FRY: variants seen among roughly 807,000 people sequenced by gnomAD.
FRY encodes the protein FRY microtubule binding protein.
FRY carries 128 observed loss-of-function variants against 348.4 expected under a neutral mutation model. The ratio of observed to expected loss-of-function variants is 0.37; its 90% CI spans 0.32 to 0.43. The LOEUF is 0.43. Among genes scored for constraint, FRY ranks in the 20% least tolerant of loss-of-function variants. The pLI is 1.00. For missense variants in FRY, 2,736 were observed against 3,695.2 expected (o/e 0.74, Z 6.73); for synonymous variants, 1,370 against 1,374.7 (o/e 1.00, Z 0.08).
intron 56 of FRY, 88 bp downstream of exon 56, chr13:32,275,079 G>C (rs945990812): frequency 8.0e-7 from 1 of 1,242,508 alleles, no homozygotes; most frequent in Admixed American, 1.7e-5. Context: ...GCTGTGGTTT[G>C]TTTTAAAGAT....
chr13:32,163,863 C>A (rs2138188306), intron 17 of FRY, among the ~76,000 whole-genome samples: 1 of 152,280 alleles, frequency 6.6e-6, no homozygotes, highest in East Asian at 1.9e-4. Flanking sequence ...AAGCCCAAAG[C>A]AATGGATGCT....
chr13:32,155,854 T>A lies in FRY; in HGVS notation c.1651+192T>A, dbSNP rs141874726. 5.8e-4 allele frequency among the ~76,000 whole-genome samples: 89 copies of A among 152,360 alleles called. 3 individuals carry two copies. The East Asian group carries it at 0.013, about 21-fold the overall frequency. On this transcript the variant is annotated intron_variant, in intron 15 of 60. Transcript: ENST00000542859. ...GCTCTTTAAACTTTTTAGAACTTCCTGGTAAATATTTTGGCATTTAAATGT... is the reference window on the plus strand; with the variant it reads ...GCTCTTTAAACTTTTTAGAACTTCCAGGTAAATATTTTGGCATTTAAATGT...
rs376748011 is a variant in FRY at position 32,178,292 on chromosome 13, A to T, written c.2537A>T (p.Gln846Leu). ...KSPSHVWIFA[Q>L]SVKDPWVLCL... ...CCTTCCCATGTCTGGATATTTGCAC[A>T]GTCTGTCAAAGACCCCTGGGTCCTC... is the stretch of plus-strand genomic sequence containing the variant. Residue 846 changes from glutamine to leucine, a missense_variant, in exon 21 of 61, where the codon CAG (glutamine) becomes CTG (leucine). Coordinates refer to ENST00000542859, the MANE Select transcript of FRY (RefSeq NM_023037.3). 13 of 1,614,132 alleles carry T rather than the reference A, an allele frequency of 8.1e-6. No homozygotes were observed. In the African/African-American group the frequency reaches 1.6e-4, roughly 20 times the overall value.
intron 1 of FRY, among the ~76,000 whole-genome samples, chr13:32,072,007 CTG>C (rs1432901764): frequency 1.3e-5 from 2 of 152,176 alleles, no homozygotes; most frequent in East Asian, 3.8e-4. Context: ...GTTGACCACT[CTG>C]TAACCTGGGA....
rs577830781 is a variant in FRY at position 32,187,947 on chromosome 13, T to A, written c.3591+291T>A. Among the ~76,000 whole-genome samples the A allele has an allele frequency of 6.6e-5, 10 of 152,280 alleles. No homozygotes were observed. The South Asian group carries it at 2.1e-3, about 32-fold the overall frequency. Reference sequence around the variant, plus strand: ...GAGTAGCATTAAGTTGGTATTCAATTCAATAACAAAAAGATAATTTTAAAA... The same window carrying A: ...GAGTAGCATTAAGTTGGTATTCAATACAATAACAAAAAGATAATTTTAAAA... On this transcript the variant is annotated intron_variant, in intron 28 of 60. Transcript: ENST00000542859.
At chr13:32,132,776 G>A (rs774876651) in intron 8 of FRY, among the ~76,000 whole-genome samples, 6 of 152,048 alleles carry the variant, frequency 3.9e-5, no homozygotes, top group Non-Finnish European at 7.4e-5. Context: ...GCCAAAAAGT[G>A]GAAACAACCC....
At chr13:32,108,376 C>T (rs114630389) in intron 3 of FRY, among the ~76,000 whole-genome samples, 1,554 of 152,240 alleles carry the variant, frequency 0.01, 36 homozygotes, top group African/African-American at 0.035. Flanking sequence ...AAGAAAGGAA[C>T]ATTTTATGCA....
At chr13:32,037,116 C>A (rs939398979) in intron 1 of FRY, among the ~76,000 whole-genome samples, 1 of 151,630 alleles carries the variant, frequency 6.6e-6, no homozygotes, top group South Asian at 2.1e-4. Context: ...ATTTGAAAGA[C>A]CTTAAGTGTT....
intron 1 of FRY, among the ~76,000 whole-genome samples, chr13:32,035,929 G>A (rs1872489292): frequency 6.6e-6 from 1 of 152,134 alleles, no homozygotes; most frequent in African/African-American, 2.4e-5. Flanking sequence ...CAGGTATGTT[G>A]TAGTGAGTTA....
intron 40 of FRY, among the ~76,000 whole-genome samples, chr13:32,229,588 G>A (rs779947638): frequency 6.6e-6 from 1 of 152,090 alleles, no homozygotes; most frequent in African/African-American, 2.4e-5. Flanking sequence ...TCAGAGACCC[G>A]CATGATTTGT....
intron 16 of FRY, among the ~76,000 whole-genome samples, chr13:32,157,717 G>C (rs1489759646): frequency 6.6e-6 from 1 of 152,164 alleles, no homozygotes; most frequent in Non-Finnish European, 1.5e-5. Flanking sequence ...ATGTGACATA[G>C]TGACATCCCA....
chr13:32,201,191 A>G (rs936297238), intron 29 of FRY, among the ~76,000 whole-genome samples: 1 of 152,148 alleles, frequency 6.6e-6, no homozygotes, highest in Non-Finnish European at 1.5e-5. Context: ...TTGCTGTTTC[A>G]TTCTTGTAAT....
At chr13:32,173,275 G>C (rs562321354) in intron 18 of FRY, 92 bp from the exon 19 acceptor site, 82 of 927,322 alleles carry the variant, frequency 8.8e-5, no homozygotes, top group Non-Finnish European at 1.3e-4. Flanking sequence ...TATTTACAAG[G>C]TCAAATGTGC....
At chr13:32,161,055 ATTCTAGTCTTTG>A in intron 16 of FRY, 77 bp from the exon 17 acceptor site, 2 of 867,686 alleles carry the variant, frequency 2.3e-6, no homozygotes, top group Non-Finnish European at 4.0e-6. Context: ...GAAGGCATGG[ATTCTAGTCTTTG>A]TTCATGCACT....
chr13:32,084,889 AACAC>A (rs5802632), intron 2 of FRY, among the ~76,000 whole-genome samples: 382 of 149,484 alleles, frequency 2.6e-3, no homozygotes, highest in African/African-American at 8.6e-3. Flanking sequence ...CACACATGCA[AACAC>A]ACACACACAC....
chr13:32,105,140 A>G (rs1877454402), intron 3 of FRY, among the ~76,000 whole-genome samples: 1 of 152,210 alleles, frequency 6.6e-6, no homozygotes, highest in African/African-American at 2.4e-5. Flanking sequence ...ACCCTCCAAA[A>G]TTCAGCTGCT....
chr13:32,247,487 C>G lies in FRY; in HGVS notation c.6993C>G (p.His2331Gln), dbSNP rs766934947. The G allele has an allele frequency of 6.2e-7, 1 of 1,612,400 alleles. No homozygotes were observed. Among genetic ancestry groups the G allele is most frequent in the South Asian group, 1.1e-5 (1 of 91,036 alleles). ...KELPGKTLDFHFDISETPIIG... is the reference protein window; with the variant it reads ...KELPGKTLDFQFDISETPIIG... ...TACCTGGGAAAACCCTGGACTTCCACTTCGATATTTCGGAGGTACTTAGCT... is the reference window on the plus strand; with the variant it reads ...TACCTGGGAAAACCCTGGACTTCCAGTTCGATATTTCGGAGGTACTTAGCT... Residue 2331 changes from histidine to glutamine, a missense_variant, in exon 48 of 61, where the codon CAC (histidine) becomes CAG (glutamine). Around this residue, in one of 9 missense-constraint regions of FRY, gnomAD observed 789 missense variants for 996.2 expected, o/e 0.79. Coordinates refer to ENST00000542859, the MANE Select transcript of FRY (RefSeq NM_023037.3).
chr13:32,293,119 C>A (rs974494532), intron 59 of FRY, among the ~76,000 whole-genome samples: 1 of 152,086 alleles, frequency 6.6e-6, no homozygotes, highest in South Asian at 2.1e-4. Flanking sequence ...CACTTTATTG[C>A]AGATGTCTAG....
intron 1 of FRY, chr13:32,061,035 T>A (rs1194156321): frequency 2.0e-6 from 1 of 511,680 alleles, no homozygotes; most frequent in Non-Finnish European, 4.0e-6. Flanking sequence ...CATCATTATG[T>A]GTTTTGGCTT....
Sources: gnomAD v4.1 joint callset for allele counts (sites outside exome capture counted in the v4.1 genomes callset) on GRCh38, gnomAD v4.1.1 for gene constraint, gnomAD v4.1.1 regional missense constraint, MANE v1.5 for transcripts, NCBI Gene and HGNC (gene_info 2026-07-23, HGNC 2026-07-21) for gene names.